The following BPTF variants were observed in gnomAD, a reference collection of about 807,000 sequenced individuals.
The protein encoded by BPTF is bromodomain PHD finger transcription factor, also known as nucleosome-remodeling factor subunit BPTF.
BPTF carries 18 observed loss-of-function variants against 292.5 expected under a neutral mutation model. The ratio of observed to expected loss-of-function variants is 0.06; its 90% confidence interval spans 0.04 to 0.09. The LOEUF is 0.09. Ranked by LOEUF, BPTF falls within the 10% of genes least tolerant of loss-of-function variation. The pLI is 1.00. For synonymous variants in BPTF, 1,225 were observed against 1,251.9 expected, an observed-to-expected ratio of 0.98 and a Z score of 0.45; for missense variants, 2,726 against 3,498.7, an observed-to-expected ratio of 0.78 and a Z score of 5.57.
rs141658141 is a variant in BPTF, at chr17:67,919,173, AAATAATAATAATAAT to A, written c.5428+368_5428+382del. On this transcript the variant is annotated intron_variant, in intron 12 of 27. Coordinates refer to ENST00000306378, the MANE Select transcript of BPTF (RefSeq NM_182641.4). ...TGCGACAGAGTGAGACTCTGTCTCA[AAATAATAATAATAAT>A]AATAATAATAATAATAATAATAATA... 4.5e-3 allele frequency among the ~76,000 whole-genome samples: 609 copies of A among 135,538 alleles called. 2 individuals are homozygous for A. Among genetic ancestry groups the A allele is most frequent in the East Asian group, 0.011 (50 of 4,690 alleles). 88.9% of individuals were successfully genotyped at this position (135,538 alleles called of 152,430 possible).
In BPTF at chr17:67,983,419, G is replaced by T. The variant is rs191254705; in HGVS notation, c.*1131G>T. On this transcript the variant is annotated 3_prime_UTR_variant, in exon 28 of 28. Coordinates refer to ENST00000306378, the MANE Select transcript of BPTF (RefSeq NM_182641.4). The stretch of plus-strand genomic sequence containing the variant: ...CATTGCCTTCATCTGTACATTCTGT[G>T]ATACCAGGCAAATTACCAATTACAC... The T allele has an allele frequency of 1.0e-4, 16 of 152,734 alleles. No homozygotes were observed. The East Asian group carries it at 2.9e-3, about 28-fold the overall frequency. The allele number at this position is 152,734 out of a possible 1,614,324, so 9.5% of individuals were successfully genotyped here.
chr17:67,936,235 C>T (rs2064905511), intron 18 of BPTF, among the ~76,000 whole-genome samples: 2 of 152,066 alleles, frequency 1.3e-5, no homozygotes, highest in African/African-American at 4.8e-5. Flanking sequence ...TTAAGGCAAT[C>T]GTCTTGCCTA....
intron 1 of BPTF, among the ~76,000 whole-genome samples, chr17:67,833,947 C>T (rs1442683313): frequency 6.6e-6 from 1 of 152,116 alleles, no homozygotes; most frequent in Non-Finnish European, 1.5e-5. Context: ...GAAAAGGATT[C>T]AAGGATGAAC....
intron 18 of BPTF, among the ~76,000 whole-genome samples, chr17:67,934,642 G>A (rs2064749580): frequency 6.6e-6 from 1 of 151,324 alleles, no homozygotes; most frequent in African/African-American, 2.4e-5. Flanking sequence ...TTGGGAGGCC[G>A]GCGGGTGGAT....
intron 5 of BPTF, among the ~76,000 whole-genome samples, chr17:67,892,591 A>G (rs555811669): frequency 6.6e-6 from 1 of 152,286 alleles, no homozygotes; most frequent in African/African-American, 2.4e-5. Context: ...TTTGTCTCCC[A>G]TATTCGAGAA....
At position 67,891,691 on chromosome 17, in the gene BPTF, A is replaced by G. The variant is rs2061123369; in HGVS notation, c.1865-153A>G. The G allele has an allele frequency of 1.1e-5, 5 of 454,188 alleles. No individual in the cohort carries two copies. The South Asian group carries it at 2.9e-4, about 26-fold the overall frequency. 28.1% of individuals were successfully genotyped at this position (454,188 alleles called of 1,614,324 possible). A position where few individuals can be genotyped will look rare whatever the true frequency, so the allele number is the denominator to read the frequency against. Reference sequence around the variant, plus strand: ...TTCTTTTAAGTAAAAAACTTAAGGAATAATGATACTTGCTTTGCCATTCAA... The same window carrying G: ...TTCTTTTAAGTAAAAAACTTAAGGAGTAATGATACTTGCTTTGCCATTCAA... On this transcript the variant is annotated intron_variant, in intron 4 of 27. Coordinates refer to ENST00000306378, the MANE Select transcript of BPTF (RefSeq NM_182641.4).
Position 67,942,348 on chromosome 17 carries a change from T to C in BPTF, c.6477+1692T>C, listed in dbSNP as rs115604856. Among the ~76,000 whole-genome samples the C allele has an allele frequency of 2.9e-3, 440 of 151,942 alleles. 3 individuals carry two copies. The highest frequency in any genetic ancestry group is 0.01 in the African/African-American group (421 of 41,460). On this transcript the variant is annotated intron_variant, in intron 19 of 27. Transcript: ENST00000306378. ...CAAAAAAAAAAGGACAAACCAACAT[T>C]ATGAGGAAAGAAGAAATCTAAATGT... is the stretch of plus-strand genomic sequence containing the variant.
intron 11 of BPTF, among the ~76,000 whole-genome samples, chr17:67,913,632 C>T (rs8065420): frequency 5.3e-4 from 80 of 152,192 alleles, no homozygotes; most frequent in African/African-American, 1.9e-3. Context: ...TGAAAATCTT[C>T]CTAATGTAGC....
chr17:67,885,607 C>T (rs1036055709), intron 4 of BPTF, among the ~76,000 whole-genome samples: 1 of 152,082 alleles, frequency 6.6e-6, no homozygotes, highest in African/African-American at 2.4e-5. Context: ...AGTTAACAAT[C>T]GCATTTAGGC....
At chr17:67,951,596 GC>G (rs2148073378) in intron 23 of BPTF, 1 of 152,238 alleles carries the variant, frequency 6.6e-6, no homozygotes, top group East Asian at 1.9e-4. Context: ...TTGGTCAGTT[GC>G]CCTTCAAAGC....
intron 23 of BPTF, chr17:67,957,003 C>G (rs1283798458): frequency 1.3e-5 from 2 of 150,592 alleles, no homozygotes; most frequent in Admixed American, 1.3e-4. Flanking sequence ...AGGAAACGTG[C>G]CCGGCACGGT....
intron 16 of BPTF, chr17:67,928,960 C>T (rs2064138794): frequency 7.7e-6 from 9 of 1,167,980 alleles, no homozygotes; most frequent in Non-Finnish European, 9.6e-6. Flanking sequence ...CCCCATTAGC[C>T]ACCAGCACAG....
At chr17:67,902,411 C>A (rs1356756776) in intron 7 of BPTF, among the ~76,000 whole-genome samples, 4 of 152,176 alleles carry the variant, frequency 2.6e-5, no homozygotes, top group Middle Eastern at 6.3e-3. Context: ...ACTCCTGTAG[C>A]CTGAGACTGT....
intron 5 of BPTF, 81 bp from the exon 6 acceptor site, chr17:67,893,289 A>G: frequency 1.1e-6 from 1 of 870,986 alleles, no homozygotes; most frequent in South Asian, 1.5e-5. Flanking sequence ...ATTAATTTTA[A>G]TTATTGAAAG....
Position 67,918,765 on chromosome 17 carries a change from G to A in BPTF, c.5355G>A (p.Arg1785=). 6.2e-7 allele frequency: 1 copy of A among 1,613,874 alleles called. No homozygotes were observed. Among genetic ancestry groups the A allele is most frequent in the Non-Finnish European group, 8.5e-7 (1 of 1,179,822 alleles). Residue 1785 remains arginine (R), a synonymous_variant, in exon 12 of 28, where the codon CGG becomes CGA. Coordinates refer to ENST00000306378, the MANE Select transcript of BPTF (RefSeq NM_182641.4). ...KSLAGVSLML[R]LLWASLRWDD... The stretch of plus-strand genomic sequence containing the variant: ...TAGCTGGAGTGAGCCTGATGTTACG[G>A]TTACTGTGGGCAAGTTTGAGATGGG...
intron 4 of BPTF, chr17:67,886,366 TTC>T: frequency 7.4e-7 from 1 of 1,346,708 alleles, no homozygotes; most frequent in East Asian, 2.5e-5. Flanking sequence ...TTTCTTTTTT[TTC>T]TTTTTTTTGT....
chr17:67,945,054 G>A (rs1279575762), intron 20 of BPTF, among the ~76,000 whole-genome samples: 2 of 151,900 alleles, frequency 1.3e-5, no homozygotes, highest in African/African-American at 2.4e-5. Flanking sequence ...TTATTTTTTC[G>A]AGACAGGGTC....
chr17:67,936,086 G>A (rs2064890391), intron 18 of BPTF, among the ~76,000 whole-genome samples: 1 of 152,152 alleles, frequency 6.6e-6, no homozygotes, highest in Non-Finnish European at 1.5e-5. Flanking sequence ...CTTGGAAATG[G>A]GTAGGAAATA....
At chr17:67,907,287 A>C (rs978873180) in intron 9 of BPTF, among the ~76,000 whole-genome samples, 5 of 146,748 alleles carry the variant, frequency 3.4e-5, no homozygotes, top group African/African-American at 5.1e-5. Flanking sequence ...TTATTATGGG[A>C]AATTTAAAAC....
Sources: gnomAD v4.1 joint callset for allele counts (sites outside exome capture counted in the v4.1 genomes callset) on GRCh38, gnomAD v4.1.1 for gene constraint, MANE v1.5 for transcripts, NCBI Gene and HGNC (gene_info 2026-07-23, HGNC 2026-07-21) for gene names.